Variants in FRMD4A observed in about 807,000 individuals in gnomAD.
FRMD4A encodes the protein FERM domain-containing protein 4A.
Under a neutral mutation model 129.1 loss-of-function variants are expected in FRMD4A, and 29 were observed. The ratio of observed to expected loss-of-function variants is 0.22; its 90% CI spans 0.17 to 0.31. The LOEUF (loss-of-function observed/expected upper bound fraction) is 0.31, where lower values mean the gene tolerates loss of function less well. FRMD4A is among the 10% of genes least tolerant of loss of function. The pLI, the probability that FRMD4A is intolerant of heterozygous loss-of-function variation, is 1.00. For synonymous variants in FRMD4A, 634 were observed against 571.6 expected (o/e 1.11, Z -1.56); for missense variants, 1,272 against 1,375.8 (o/e 0.92, Z 1.19).
intron 2 of FRMD4A, among the ~76,000 whole-genome samples, chr10:14,039,377 TCCATCCATCCATCCATCC>T (rs1565204344): frequency 1.4e-4 from 18 of 125,612 alleles, no homozygotes; most frequent in South Asian, 6.7e-4. Context: ...CGTCCATCCA[TCCATCCATCCATCCATCC>T]ATCCATCCAT....
intron 2 of FRMD4A, among the ~76,000 whole-genome samples, chr10:13,957,501 C>T (rs1031933472): frequency 3.3e-5 from 5 of 152,170 alleles, no homozygotes; most frequent in East Asian, 3.9e-4. Flanking sequence ...GTGATCCACC[C>T]GCCTCAGCCT....
intron 2 of FRMD4A, among the ~76,000 whole-genome samples, chr10:13,869,111 A>G (rs1373137109): frequency 1.3e-5 from 2 of 152,188 alleles, no homozygotes; most frequent in African/African-American, 4.8e-5. Context: ...TGATCATGCA[A>G]AAGAGAAGTC....
At chr10:14,085,497 A>G (rs947577760) in intron 2 of FRMD4A, among the ~76,000 whole-genome samples, 1 of 152,194 alleles carries the variant, frequency 6.6e-6, no homozygotes, top group Non-Finnish European at 1.5e-5. Context: ...AGGCTCTGAC[A>G]CTTTGCAGGG....
At chr10:13,647,103 G>T in intron 24 of FRMD4A, 68 bp from the exon 25 acceptor site, 1 of 226,120 alleles carries the variant, frequency 4.4e-6, no homozygotes, top group African/African-American at 2.3e-5. Flanking sequence ...AGCCAGGCCT[G>T]CACTGAGAAG....
intron 17 of FRMD4A, among the ~76,000 whole-genome samples, chr10:13,670,009 C>T (rs970128127): frequency 5.3e-5 from 8 of 152,200 alleles, no homozygotes; most frequent in Non-Finnish European, 7.3e-5. Context: ...CACCTGATGC[C>T]GTGGCCTAAG....
Position 13,656,864 on chromosome 10 carries a change from G to A in FRMD4A, c.2725C>T (p.Leu909=). ...SRSQILRTPS[L]GREGAHDKGA... ...TTGTCGTGGGCGCCCTCGCGGCCCA[G>A]CGACGGAGTCCGCAGGATCTGCGAT... The change falls in exon 22 of 25, where the codon CTG becomes TTG. Residue 909 remains leucine (L), a synonymous_variant. Transcript: ENST00000357447. The A allele has an allele frequency of 6.7e-7, 1 of 1,491,312 alleles. No individual in the cohort carries two copies. The highest frequency in any genetic ancestry group is 8.9e-7 in the Non-Finnish European group (1 of 1,124,798). The allele number at this position is 1,491,312 out of a possible 1,614,324, so 92.4% of individuals were successfully genotyped here.
At position 13,656,626 on chromosome 10, in the gene FRMD4A, C is replaced by A. The variant is rs543127114; in HGVS notation, c.2953+10G>T. 2.5e-5 allele frequency: 35 copies of A among 1,395,378 alleles called. No homozygotes were observed. In the East Asian group the frequency reaches 9.4e-4, roughly 38 times the overall value. 86.4% of individuals were successfully genotyped at this position (1,395,378 alleles called of 1,614,324 possible). A position where few individuals can be genotyped will look rare whatever the true frequency, so the allele number is the denominator to read the frequency against. ...GGTCTTCCCGCGTGCACCTGGCCGC[C>A]CCCTCTCACCTGACGTGGCCTTGCA... On this transcript the variant is annotated intron_variant, in intron 22 of 24. Transcript: ENST00000357447.
chr10:14,207,335 C>T (rs554481308), intron 2 of FRMD4A, among the ~76,000 whole-genome samples: 8 of 152,128 alleles, frequency 5.3e-5, no homozygotes, highest in South Asian at 4.2e-4. Flanking sequence ...ATGATTCAAG[C>T]GCATTACATT....
chr10:13,817,001 C>A (rs1293703601), intron 3 of FRMD4A, among the ~76,000 whole-genome samples: 1 of 152,226 alleles, frequency 6.6e-6, no homozygotes, highest in Non-Finnish European at 1.5e-5. Flanking sequence ...CAAATAGTTT[C>A]TCTCTTTTCT....
intron 3 of FRMD4A, among the ~76,000 whole-genome samples, chr10:13,830,233 G>A (rs1418882): frequency 0.76 from 116,213 of 152,144 alleles, 44,420 homozygotes; most frequent in Middle Eastern, 0.83. Context: ...GTCCCTCCTC[G>A]GCCCTCCTTC....
intron 2 of FRMD4A, among the ~76,000 whole-genome samples, chr10:14,328,948 A>G (rs560086567): frequency 1.3e-5 from 2 of 152,330 alleles, no homozygotes; most frequent in East Asian, 1.9e-4. Context: ...AGAAGTCAGC[A>G]GAGGCCCATG....
chr10:13,657,769 G>A (rs1173477110), intron 21 of FRMD4A, among the ~76,000 whole-genome samples: 1 of 144,874 alleles, frequency 6.9e-6, no homozygotes, highest in Non-Finnish European at 1.5e-5. Flanking sequence ...AGGACTCACA[G>A]AAAGGTTTCG....
chr10:13,899,807 C>G (rs2094798964), intron 2 of FRMD4A, among the ~76,000 whole-genome samples: 1 of 152,198 alleles, frequency 6.6e-6, no homozygotes. Context: ...CTGGCGGTCA[C>G]AGGCAGCATG....
chr10:14,154,195 C>T (rs1054058467), intron 2 of FRMD4A, among the ~76,000 whole-genome samples: 1 of 152,132 alleles, frequency 6.6e-6, no homozygotes, highest in African/African-American at 2.4e-5. Context: ...AAACCCGCAT[C>T]GGCTTTGAGG....
At chr10:14,144,756 G>A (rs1839996877) in intron 2 of FRMD4A, among the ~76,000 whole-genome samples, 2 of 152,152 alleles carry the variant, frequency 1.3e-5, no homozygotes, top group African/African-American at 4.8e-5. Flanking sequence ...GGGCCAAATA[G>A]GGAGTAGCTT....
Position 13,855,505 on chromosome 10 carries a change from C to A in FRMD4A, c.111+3342G>T, listed in dbSNP as rs113481415. Among the ~76,000 whole-genome samples, 154 of 152,290 alleles carry A rather than the reference C, an allele frequency of 1.0e-3. 2 individuals carry two copies. Among genetic ancestry groups the A allele is most frequent in the African/African-American group, 3.6e-3 (150 of 41,560 alleles). ...AGAGAAACACTTGCTCTAAACCTGACTCTCCATGTTACAAACCTTGTCAGG... is the reference window on the plus strand; with the variant it reads ...AGAGAAACACTTGCTCTAAACCTGAATCTCCATGTTACAAACCTTGTCAGG... On this transcript the variant is annotated intron_variant, in intron 3 of 24. Transcript: ENST00000357447.
chr10:13,786,779 T>C (rs2092876407), intron 5 of FRMD4A, among the ~76,000 whole-genome samples: 2 of 152,184 alleles, frequency 1.3e-5, no homozygotes, highest in African/African-American at 4.8e-5. Context: ...AGAAGCCTCC[T>C]GAAGTTGACG....
At chr10:13,993,944 A>T (rs1027472024) in intron 2 of FRMD4A, among the ~76,000 whole-genome samples, 2 of 151,160 alleles carry the variant, frequency 1.3e-5, no homozygotes, top group Admixed American at 1.3e-4. Flanking sequence ...TTGTAGCAAG[A>T]TGTTTCCTTT....
intron 2 of FRMD4A, among the ~76,000 whole-genome samples, chr10:14,011,392 T>C (rs1222898144): frequency 6.6e-6 from 1 of 151,958 alleles, no homozygotes; most frequent in Non-Finnish European, 1.5e-5. Context: ...GGAGCCGAGT[T>C]ATTAGAGCCA....
Sources: allele counts gnomAD v4.1 joint callset (sites outside exome capture counted in the v4.1 genomes callset), GRCh38; gene constraint gnomAD v4.1.1; transcripts MANE v1.5; gene names NCBI Gene and HGNC (gene_info 2026-07-23, HGNC 2026-07-21).